The following C3orf33 variants were observed in gnomAD, a reference collection of about 807,000 sequenced individuals.
C3orf33 encodes the protein AP-1 activity suppressor.
C3orf33 carries 23 observed loss-of-function variants against 28.7 expected under a neutral mutation model. That is an observed-to-expected ratio of 0.80 (90% CI 0.58 to 1.13). The LOEUF is 1.13. Among genes scored for constraint, C3orf33 ranks in the 50% most tolerant of loss-of-function variants. The pLI is 0.00. For missense variants in C3orf33, 327 were observed against 353.4 expected, an observed-to-expected ratio of 0.93 and a Z score of 0.60; for synonymous variants, 119 against 120.5, an observed-to-expected ratio of 0.99 and a Z score of 0.08.
intron 2 of C3orf33, among the ~76,000 whole-genome samples, chr3:155,786,102 G>A (rs1388822100): frequency 1.3e-5 from 2 of 151,356 alleles, no homozygotes; most frequent in Non-Finnish European, 2.9e-5. Flanking sequence ...AAGGAAAAAG[G>A]GAAGGGGAAA....
intron 1 of C3orf33, among the ~76,000 whole-genome samples, chr3:155,805,292 G>T (rs1480575973): frequency 6.6e-6 from 1 of 151,620 alleles, no homozygotes; most frequent in African/African-American, 2.4e-5. Flanking sequence ...GGAAGACCTT[G>T]CCTCTACAAA....
At chr3:155,765,439 CT>C (rs969013275) in intron 4 of C3orf33, among the ~76,000 whole-genome samples, 1 of 152,018 alleles carries the variant, frequency 6.6e-6, no homozygotes, top group Non-Finnish European at 1.5e-5. Context: ...TAATCATCTC[CT>C]TTTTTTTGGT....
At chr3:155,781,796 G>C (rs1414972210) in intron 2 of C3orf33, among the ~76,000 whole-genome samples, 1 of 147,708 alleles carries the variant, frequency 6.8e-6, no homozygotes, top group Non-Finnish European at 1.5e-5. Flanking sequence ...AAAAATAGTG[G>C]GCCGGGTGCG....
intron 2 of C3orf33, among the ~76,000 whole-genome samples, chr3:155,796,135 G>A (rs1353442629): frequency 6.6e-6 from 1 of 151,692 alleles, no homozygotes; most frequent in Non-Finnish European, 1.5e-5. Flanking sequence ...AAAATTAGTA[G>A]AAGAAAAAAA....
At position 155,806,057 on chromosome 3, in the gene C3orf33, C is replaced by T. The variant is rs1751799997; in HGVS notation, c.114+82G>A. 6 of 977,208 alleles carry T rather than the reference C, an allele frequency of 6.1e-6. No individual in the cohort carries two copies. In the South Asian group the frequency reaches 1.1e-4, roughly 18 times the overall value. 60.5% of individuals were successfully genotyped at this position (977,208 alleles called of 1,614,324 possible). ...CGCTCCCCGGCCCCGGCGGGATCCA[C>T]GCCTGAGGCCTCACGTTGTTCTCAG... On this transcript the variant is annotated intron_variant, in intron 1 of 4. Transcript: ENST00000340171.
At chr3:155,770,575 C>T (rs1042336269) in intron 3 of C3orf33, among the ~76,000 whole-genome samples, 5 of 152,060 alleles carry the variant, frequency 3.3e-5, no homozygotes, top group African/African-American at 4.8e-5. Flanking sequence ...TAGCAAATTC[C>T]CCATTGAGTA....
chr3:155,780,869 A>G (rs1750897596), intron 2 of C3orf33, among the ~76,000 whole-genome samples: 1 of 152,218 alleles, frequency 6.6e-6, no homozygotes, highest in South Asian at 2.1e-4. Flanking sequence ...CTTGATCATG[A>G]ATATGGTATT....
Position 155,799,386 on chromosome 3 carries a change from C to T in C3orf33, c.174+3146G>A, listed in dbSNP as rs149676727. ...AGCAACCTAAGTGTCCATCAACAGA[C>T]GAATGGATAAAGAAAATGTGGGCTG... On this transcript the variant is annotated intron_variant, in intron 2 of 4. Transcript: ENST00000340171. Among the ~76,000 whole-genome samples the T allele has an allele frequency of 7.9e-3, 1,199 of 152,208 alleles. 19 individuals are homozygous for T. Among genetic ancestry groups the T allele is most frequent in the African/African-American group, 0.026 (1,100 of 41,542 alleles).
chr3:155,763,840 T>C lies in C3orf33; in HGVS notation c.562A>G (p.Lys188Glu). Reference sequence around the variant, plus strand: ...GTCCAGTAGATTTTAGAATCATATTTAAGCCCTTTAACAAGAACAGTTTTG... The same window carrying C: ...GTCCAGTAGATTTTAGAATCATATTCAAGCCCTTTAACAAGAACAGTTTTG... ...LGKTVLVKGL[K>E]YDSKIYWTVH... The change falls in exon 5 of 5, where the codon AAA (lysine) becomes GAA (glutamate). Residue 188 changes from lysine (K) to glutamate (E), a missense_variant. Lys to Glu is a moderately conservative substitution (Grantham distance 56). Coordinates refer to ENST00000340171, the MANE Select transcript of C3orf33 (RefSeq NM_001308229.2). 1.9e-6 allele frequency: 3 copies of C among 1,564,960 alleles called. No individual in the cohort carries two copies. Among genetic ancestry groups the C allele is most frequent in the Non-Finnish European group, 2.6e-6 (3 of 1,162,878 alleles).
chr3:155,805,287 A>G (rs547163890), intron 1 of C3orf33, among the ~76,000 whole-genome samples: 66 of 152,104 alleles, frequency 4.3e-4, no homozygotes, highest in African/African-American at 1.5e-3. Context: ...ACACAGGAAG[A>G]CCTTGCCTCT....
chr3:155,806,245 C>A lies in C3orf33; in HGVS notation c.8G>T (p.Gly3Val). Reference sequence around the variant, plus strand: ...CGGCGAGCCGGTGGCCGCGGGCTGCCCCGCCATGTTCCCGGCCTCCTGCGA... The same window carrying A: ...CGGCGAGCCGGTGGCCGCGGGCTGCACCGCCATGTTCCCGGCCTCCTGCGA... MA[G>V]QPAATGSPSA... is the part of the protein sequence containing the mutation. The change falls in exon 1 of 5, where the codon GGG becomes GTG. Residue 3 changes from glycine to valine, a missense_variant. Physicochemically the swap from Gly to Val is moderately radical, Grantham distance 109 (BLOSUM62 -3). Coordinates refer to ENST00000340171, the MANE Select transcript of C3orf33 (RefSeq NM_001308229.2). 3 of 1,469,220 alleles carry A rather than the reference C, an allele frequency of 2.0e-6. No homozygotes were observed. Among genetic ancestry groups the A allele is most frequent in the Non-Finnish European group, 1.8e-6 (2 of 1,108,998 alleles). 91.0% of individuals were successfully genotyped at this position (1,469,220 alleles called of 1,614,324 possible). A position where few individuals can be genotyped will look rare whatever the true frequency, so the allele number is the denominator to read the frequency against.
chr3:155,779,577 G>A (rs543883495), intron 2 of C3orf33, among the ~76,000 whole-genome samples: 1 of 152,094 alleles, frequency 6.6e-6, no homozygotes, highest in Non-Finnish European at 1.5e-5. Context: ...TTACAGGCGT[G>A]AGCCACCGTG....
intron 2 of C3orf33, among the ~76,000 whole-genome samples, chr3:155,799,604 G>A (rs376068256): frequency 2.6e-5 from 4 of 152,098 alleles, no homozygotes; most frequent in South Asian, 2.1e-4. Flanking sequence ...TGAGAGGATC[G>A]CTTGAGCCCG....
At chr3:155,770,678 A>G (rs1357421223) in intron 3 of C3orf33, among the ~76,000 whole-genome samples, 1 of 152,146 alleles carries the variant, frequency 6.6e-6, no homozygotes, top group Non-Finnish European at 1.5e-5. Context: ...TTTATTTTTT[A>G]TCTTTTTGAG....
intron 4 of C3orf33, among the ~76,000 whole-genome samples, chr3:155,764,729 G>A (rs1265708907): frequency 2.0e-5 from 3 of 151,782 alleles, no homozygotes; most frequent in South Asian, 2.1e-4. Context: ...GATGGCAGGT[G>A]CCTGTAATCC....
intron 2 of C3orf33, among the ~76,000 whole-genome samples, chr3:155,793,958 GT>G (rs1217446041): frequency 6.0e-5 from 9 of 150,618 alleles, no homozygotes; most frequent in African/African-American, 2.2e-4. Flanking sequence ...CTTTGCTTCA[GT>G]GTTAGTTTGC....
chr3:155,785,502 A>C (rs1751074317), intron 2 of C3orf33, among the ~76,000 whole-genome samples: 2 of 152,228 alleles, frequency 1.3e-5, no homozygotes, highest in Non-Finnish European at 2.9e-5. Flanking sequence ...TGTCATACAA[A>C]GTATCTTCTC....
intron 2 of C3orf33, among the ~76,000 whole-genome samples, chr3:155,787,150 T>C (rs1490204744): frequency 6.6e-6 from 1 of 152,140 alleles, no homozygotes; most frequent in African/African-American, 2.4e-5. Flanking sequence ...GTATCTGTCA[T>C]AAACATTGAC....
intron 1 of C3orf33, chr3:155,805,649 G>A (rs1226706307): frequency 8.8e-6 from 4 of 454,854 alleles, no homozygotes; most frequent in Non-Finnish European, 1.8e-5. Context: ...TTCGGCCGAA[G>A]TGGGTGGAGC....
Sources: gnomAD v4.1 joint callset for allele counts (sites outside exome capture counted in the v4.1 genomes callset) on GRCh38, gnomAD v4.1.1 for gene constraint, MANE v1.5 for transcripts, NCBI Gene and HGNC (gene_info 2026-07-23, HGNC 2026-07-21) for gene names.